Variants in OTUD7A observed in about 807,000 individuals in gnomAD.
OTUD7A encodes OTU deubiquitinase 7A.
In OTUD7A, 12 loss-of-function variants were observed where a neutral mutation model predicts 65.7. The ratio of observed to expected loss-of-function variants is 0.18; its 90% CI spans 0.12 to 0.30. The LOEUF (loss-of-function observed/expected upper bound fraction) is 0.30, where lower values mean the gene tolerates loss of function less well. OTUD7A is among the 10% of genes least tolerant of loss of function. The pLI is 1.00. For missense variants in OTUD7A, 1,148 were observed against 1,304.8 expected (o/e 0.88, Z 1.85); for synonymous variants, 641 against 586.3 (o/e 1.09, Z -1.35).
At chr15:31,851,033 C>T (rs537319002) in intron 1 of OTUD7A, among the ~76,000 whole-genome samples, 4 of 152,232 alleles carry the variant, frequency 2.6e-5, no homozygotes, top group East Asian at 3.9e-4. Flanking sequence ...CAAAATAATG[C>T]TTTAAAGGTT....
At chr15:31,636,556 AAAAG>A (rs1238127190) in intron 3 of OTUD7A, among the ~76,000 whole-genome samples, 1 of 152,240 alleles carries the variant, frequency 6.6e-6, no homozygotes, top group Non-Finnish European at 1.5e-5. Flanking sequence ...ATGGAAAAAA[AAAAG>A]AATTTCATGT....
chr15:31,776,712 C>A (rs114403383), intron 1 of OTUD7A, among the ~76,000 whole-genome samples: 1 of 152,090 alleles, frequency 6.6e-6, no homozygotes, highest in African/African-American at 2.4e-5. Context: ...ACTGTGACTG[C>A]CAGGGTCTGA....
At chr15:31,766,254 C>G (rs1895091267) in intron 1 of OTUD7A, 2 of 1,582,766 alleles carry the variant, frequency 1.3e-6, no homozygotes, top group African/African-American at 2.7e-5. Context: ...CAACAGTGAT[C>G]TCGCACCCAT....
intron 9 of OTUD7A, 103 bp from the exon 10 acceptor site, chr15:31,501,942 G>T: frequency 7.6e-7 from 1 of 1,307,782 alleles, no homozygotes; most frequent in South Asian, 1.4e-5. Flanking sequence ...GGACTCCGTG[G>T]AGAAGCGGAG....
rs183705528 is a variant in OTUD7A, at chr15:31,738,769, A to C, written c.-99-81692T>G. Among the ~76,000 whole-genome samples the C allele has an allele frequency of 1.3e-5, 2 of 152,336 alleles. 1 individual carries two copies. The highest frequency in any genetic ancestry group is 1.3e-4 in the Admixed American group (2 of 15,300). On this transcript the variant is annotated intron_variant, in intron 1 of 12. Transcript: ENST00000307050. Reference sequence around the variant, plus strand: ...TTCTTGGGATAGTACGCAAAGGCACACTGCTGATCTGACAGCGTGGATGCC... The same window carrying C: ...TTCTTGGGATAGTACGCAAAGGCACCCTGCTGATCTGACAGCGTGGATGCC...
intron 1 of OTUD7A, among the ~76,000 whole-genome samples, chr15:31,670,856 G>A (rs140372181): frequency 0.048 from 7,260 of 152,168 alleles, 327 homozygotes; most frequent in African/African-American, 0.12. Context: ...TTAGCCGGGC[G>A]TGGTGGCGGG....
chr15:31,807,987 T>C (rs374357398), intron 1 of OTUD7A, among the ~76,000 whole-genome samples: 7 of 151,946 alleles, frequency 4.6e-5, no homozygotes, highest in Admixed American at 4.6e-4. Flanking sequence ...CGTCTGTCAG[T>C]TGAAGTTAGC....
chr15:31,847,089 G>A (rs1897309817), intron 1 of OTUD7A, among the ~76,000 whole-genome samples: 1 of 152,220 alleles, frequency 6.6e-6, no homozygotes, highest in African/African-American at 2.4e-5. Context: ...GCCGTAGCCT[G>A]GGCATCCTTG....
At chr15:31,686,548 A>C (rs2654108) in intron 1 of OTUD7A, among the ~76,000 whole-genome samples, 4 of 152,234 alleles carry the variant, frequency 2.6e-5, no homozygotes, top group South Asian at 4.1e-4. Context: ...AGCAGAAAAG[A>C]CACAGTCCCA....
chr15:31,659,804 C>A (rs1437859358), intron 1 of OTUD7A, among the ~76,000 whole-genome samples: 3 of 152,212 alleles, frequency 2.0e-5, no homozygotes, highest in African/African-American at 7.2e-5. Flanking sequence ...CTCATCAGGT[C>A]TGTTTGATGA....
intron 8 of OTUD7A, 74 bp downstream of exon 8, chr15:31,526,275 C>T: frequency 7.4e-7 from 1 of 1,358,828 alleles, no homozygotes. Flanking sequence ...CCGTGCCATC[C>T]CCCCATGCTG....
At chr15:31,494,130 C>G (rs903785824) in intron 10 of OTUD7A, among the ~76,000 whole-genome samples, 1 of 152,228 alleles carries the variant, frequency 6.6e-6, no homozygotes, top group Non-Finnish European at 1.5e-5. Context: ...TTGGATTGGT[C>G]ATTGGTCTAT....
At chr15:31,867,280 C>T (rs1897901800) in intron 1 of OTUD7A, among the ~76,000 whole-genome samples, 1 of 152,120 alleles carries the variant, frequency 6.6e-6, no homozygotes, top group East Asian at 1.9e-4. Flanking sequence ...AAAATAAAAG[C>T]ACAGTAACGA....
intron 9 of OTUD7A, among the ~76,000 whole-genome samples, chr15:31,503,215 A>G (rs1229243262): frequency 6.6e-6 from 1 of 152,198 alleles, no homozygotes; most frequent in Non-Finnish European, 1.5e-5. Context: ...CAGGCCATAA[A>G]CTGCCCTTGC....
At chr15:31,869,517 G>A (rs1013635764) in intron 1 of OTUD7A, among the ~76,000 whole-genome samples, 2 of 152,138 alleles carry the variant, frequency 1.3e-5, no homozygotes, top group East Asian at 3.8e-4. Flanking sequence ...ATTTACAAAG[G>A]TATCACCTGG....
chr15:31,588,443 G>T (rs531828731), intron 3 of OTUD7A, among the ~76,000 whole-genome samples: 1 of 152,304 alleles, frequency 6.6e-6, no homozygotes, highest in South Asian at 2.1e-4. Context: ...AACATGATGG[G>T]TTAGCAAGAA....
At chr15:31,571,855 A>C (rs918813858) in intron 3 of OTUD7A, among the ~76,000 whole-genome samples, 3 of 152,182 alleles carry the variant, frequency 2.0e-5, no homozygotes, top group Admixed American at 1.3e-4. Flanking sequence ...GAGGCCATAA[A>C]GTCCATGGGA....
At chr15:31,508,498 C>T (rs1471546919) in intron 8 of OTUD7A, among the ~76,000 whole-genome samples, 3 of 152,202 alleles carry the variant, frequency 2.0e-5, no homozygotes, top group Non-Finnish European at 4.4e-5. Context: ...TACAGGCGCC[C>T]GCCACCACGC....
intron 1 of OTUD7A, among the ~76,000 whole-genome samples, chr15:31,681,915 G>A (rs564907222): frequency 1.1e-3 from 168 of 151,676 alleles, no homozygotes; most frequent in Middle Eastern, 3.4e-3. Flanking sequence ...GGCCTAAAAA[G>A]CAAATTAATG....
Sources: gnomAD v4.1 joint callset for allele counts (sites outside exome capture counted in the v4.1 genomes callset) on GRCh38, gnomAD v4.1.1 for gene constraint, MANE v1.5 for transcripts, NCBI Gene and HGNC (gene_info 2026-07-23, HGNC 2026-07-21) for gene names.